Variants in ROCK1 observed in about 807,000 individuals in gnomAD.
The protein encoded by ROCK1 is rho-associated protein kinase 1.
A neutral mutation model predicts 196.8 loss-of-function variants in ROCK1; 36 were observed. That is an observed-to-expected ratio of 0.18 (90% confidence interval 0.14 to 0.24). ROCK1 has a LOEUF of 0.24. ROCK1 is among the 10% of genes least tolerant of loss of function. ROCK1 has a pLI of 1.00. For synonymous variants in ROCK1, 443 were observed against 515.9 expected (o/e 0.86, Z 1.91); for missense variants, 920 against 1,562.0 (o/e 0.59, Z 6.93).
At chr18:21,018,144 T>C (rs1423846127) in intron 12 of ROCK1, among the ~76,000 whole-genome samples, 1 of 152,144 alleles carries the variant, frequency 6.6e-6, no homozygotes, top group Non-Finnish European at 1.5e-5. Context: ...TTCATATGAT[T>C]ATTAGCCAAT....
chr18:21,074,334 C>T (rs1176473472), intron 1 of ROCK1, among the ~76,000 whole-genome samples: 1 of 152,134 alleles, frequency 6.6e-6, no homozygotes, highest in Non-Finnish European at 1.5e-5. Flanking sequence ...GTCAATGCTG[C>T]CCAGGACATT....
chr18:20,947,392 C>A lies in ROCK1; in HGVS notation c.*3992G>T, dbSNP rs1198005671. The A allele has an allele frequency of 2.0e-5, 3 of 151,932 alleles. No homozygotes were observed. Among genetic ancestry groups the A allele is most frequent in the Non-Finnish European group, 4.4e-5 (3 of 68,020 alleles). The allele number at this position is 151,932 out of a possible 1,614,324, so 9.4% of individuals were successfully genotyped here. A position where few individuals can be genotyped will look rare whatever the true frequency, so the allele number is the denominator to read the frequency against. On this transcript the variant is annotated 3_prime_UTR_variant, in exon 33 of 33. Transcript: ENST00000399799. ...TTAATTTATTGCAATAAGCATAGATCTTGTCCAGAAAAAAAACACTAAAAG... is the reference window on the plus strand; with the variant it reads ...TTAATTTATTGCAATAAGCATAGATATTGTCCAGAAAAAAAACACTAAAAG...
At chr18:21,026,850 A>C (rs1472618465) in intron 10 of ROCK1, among the ~76,000 whole-genome samples, 1 of 152,198 alleles carries the variant, frequency 6.6e-6, no homozygotes, top group Admixed American at 6.5e-5. Context: ...TGAGGTAATT[A>C]AAAGTAGATT....
chr18:21,017,049 C>A (rs976724690), intron 12 of ROCK1, among the ~76,000 whole-genome samples: 4 of 151,972 alleles, frequency 2.6e-5, no homozygotes, highest in African/African-American at 7.3e-5. Flanking sequence ...TCCTTCCACT[C>A]TTCTCCTAAT....
At chr18:21,096,437 G>T (rs2036613814) in intron 1 of ROCK1, among the ~76,000 whole-genome samples, 2 of 152,142 alleles carry the variant, frequency 1.3e-5, no homozygotes, top group Admixed American at 1.3e-4. Flanking sequence ...CTGACCTCAG[G>T]TGATCTGCCT....
chr18:21,105,807 T>G (rs1233215192), intron 1 of ROCK1, among the ~76,000 whole-genome samples: 2 of 152,110 alleles, frequency 1.3e-5, no homozygotes, highest in African/African-American at 4.8e-5. Context: ...AAATAAAGAT[T>G]TGGGTATCAT....
At chr18:21,042,442 C>A (rs1247219945) in intron 7 of ROCK1, 123 bp downstream of exon 7, 18 of 1,177,916 alleles carry the variant, frequency 1.5e-5, no homozygotes, top group Non-Finnish European at 2.1e-5. Flanking sequence ...AGGTTTGGAT[C>A]ATGTTTATTA....
At chr18:20,957,330 G>A (rs2847100) in intron 29 of ROCK1, among the ~76,000 whole-genome samples, 1 of 121,598 alleles carries the variant, frequency 8.2e-6, no homozygotes, top group African/African-American at 3.1e-5. Flanking sequence ...AATCAATACA[G>A]ACACCACCAC....
At chr18:21,025,045 C>T (rs903172067) in intron 10 of ROCK1, among the ~76,000 whole-genome samples, 4 of 152,216 alleles carry the variant, frequency 2.6e-5, no homozygotes, top group African/African-American at 7.2e-5. Context: ...GTGACTGAGA[C>T]TGACATTTTA....
chr18:21,111,402 C>A lies in ROCK1; in HGVS notation c.-492G>T. On this transcript the variant is annotated 5_prime_UTR_variant, in exon 1 of 33. Coordinates refer to ENST00000399799, the MANE Select transcript of ROCK1 (RefSeq NM_005406.3). This position sits in a 1 kb window ranked among gnomAD's most constrained non-coding sequence, Gnocchi z 4.2. The stretch of plus-strand genomic sequence containing the variant: ...GCCGCCGCTCGGGCCACGGGCCGGG[C>A]CCGCTCCGCTCAGAGGCGCTGTAGA... The A allele has an allele frequency of 2.6e-6, 1 of 388,792 alleles. No homozygotes were observed. The highest frequency in any genetic ancestry group is 4.6e-6 in the Non-Finnish European group (1 of 218,688). 24.1% of individuals were successfully genotyped at this position (388,792 alleles called of 1,614,324 possible).
At chr18:21,067,409 CAA>C (rs1370490013) in intron 2 of ROCK1, among the ~76,000 whole-genome samples, 1 of 113,320 alleles carries the variant, frequency 8.8e-6, no homozygotes. Context: ...TTTTTTGAGA[CAA>C]AGTCTTGCTC....
In ROCK1 at chr18:21,093,875, G is replaced by A. The variant is rs191272331; in HGVS notation, c.93+16943C>T. Among the ~76,000 whole-genome samples, 304 of 151,872 alleles carry A rather than the reference G, an allele frequency of 2.0e-3. 3 individuals carry two copies. Among genetic ancestry groups the A allele is most frequent in the African/African-American group, 7.1e-3 (295 of 41,392 alleles). ...GGAGGCTGAGGCAGGAGGATCGCTT[G>A]AACCTGGGAGGTGGAGGTTGCAGTG... is the stretch of plus-strand genomic sequence containing the variant. On this transcript the variant is annotated intron_variant, in intron 1 of 32. Coordinates refer to ENST00000399799, the MANE Select transcript of ROCK1 (RefSeq NM_005406.3).
chr18:20,968,677 T>C, intron 25 of ROCK1, 95 bp downstream of exon 25: 1 of 740,764 alleles, frequency 1.3e-6, no homozygotes, highest in South Asian at 1.6e-5. Context: ...GATGAAAAGC[T>C]TGAACCTTAT....
intron 2 of ROCK1, among the ~76,000 whole-genome samples, chr18:21,053,262 C>T (rs2036218980): frequency 6.6e-6 from 1 of 151,748 alleles, no homozygotes; most frequent in South Asian, 2.1e-4. Context: ...CATACACTTA[C>T]ATAACATTGC....
rs368279317 is a variant in ROCK1 at position 21,009,370 on chromosome 18, T to C, written c.1411-1176A>G. On this transcript the variant is annotated intron_variant, in intron 13 of 32. Coordinates refer to ENST00000399799, the MANE Select transcript of ROCK1 (RefSeq NM_005406.3). Reference sequence around the variant, plus strand: ...AAAGACCTTAAAATCCATCTCTGTATTGTATGTATCTACAGTTTATTCCTT... The same window carrying C: ...AAAGACCTTAAAATCCATCTCTGTACTGTATGTATCTACAGTTTATTCCTT... Among the ~76,000 whole-genome samples, 97 of 152,006 alleles carry C rather than the reference T, an allele frequency of 6.4e-4. No homozygotes were observed. In the Middle Eastern group the frequency reaches 0.014, roughly 21 times the overall value.
At chr18:21,034,165 G>C (rs897136938) in intron 9 of ROCK1, among the ~76,000 whole-genome samples, 7 of 151,996 alleles carry the variant, frequency 4.6e-5, no homozygotes, top group African/African-American at 1.7e-4. Context: ...TAAATAAATG[G>C]GGACACATCC....
chr18:21,031,203 C>T (rs978454559), intron 9 of ROCK1, among the ~76,000 whole-genome samples: 1 of 152,128 alleles, frequency 6.6e-6, no homozygotes, highest in African/African-American at 2.4e-5. Flanking sequence ...CAAAATGTCC[C>T]TCTTAGAAGG....
intron 18 of ROCK1, 146 bp from the exon 19 acceptor site, chr18:20,987,256 A>G (rs1357985225): frequency 3.0e-6 from 2 of 666,378 alleles, no homozygotes; most frequent in Non-Finnish European, 2.5e-6. Flanking sequence ...AGAAATTCTC[A>G]CATTATGTAA....
At chr18:21,086,343 C>T (rs1450539167) in intron 1 of ROCK1, among the ~76,000 whole-genome samples, 1 of 152,104 alleles carries the variant, frequency 6.6e-6, no homozygotes, top group African/African-American at 2.4e-5. Flanking sequence ...AACTCCCGAC[C>T]TCAAGTGATC....
Sources: allele counts gnomAD v4.1 joint callset (sites outside exome capture counted in the v4.1 genomes callset), GRCh38; gene constraint gnomAD v4.1.1; non-coding constraint Gnocchi (gnomAD v3.1); transcripts MANE v1.5; gene names NCBI Gene and HGNC (gene_info 2026-07-23, HGNC 2026-07-21).